Variants in WNT2B observed in about 807,000 individuals in gnomAD.
WNT2B encodes the protein Wnt family member 2B.
A neutral mutation model predicts 40.5 loss-of-function variants in WNT2B; 19 were observed. The observed-to-expected ratio is 0.47, with a 90% CI of 0.33 to 0.69. The LOEUF (loss-of-function observed/expected upper bound fraction) is 0.69, where lower values mean the gene tolerates loss of function less well. Ranked by LOEUF, WNT2B falls within the 30% of genes least tolerant of loss-of-function variation. WNT2B has a pLI of 0.02. For synonymous variants in WNT2B, 220 were observed against 211.9 expected, an observed-to-expected ratio of 1.04 and a Z score of -0.33; for missense variants, 467 against 556.4, an observed-to-expected ratio of 0.84 and a Z score of 1.62.
Position 112,525,895 on chromosome 1 carries a change from G to T in WNT2B, c.*5386G>T. The stretch of plus-strand genomic sequence containing the variant: ...TAAGAAGCTTTTTCATATGCAAAAT[G>T]CTTTAGCATATATGTAATCCTCACA... On this transcript the variant is annotated 3_prime_UTR_variant, in exon 5 of 5. Coordinates refer to ENST00000369684, the MANE Select transcript of WNT2B (RefSeq NM_024494.3). 1 of 1,371,390 alleles carries T rather than the reference G, an allele frequency of 7.3e-7. No homozygotes were observed. Among genetic ancestry groups the T allele is most frequent in the African/African-American group, 1.4e-5 (1 of 69,324 alleles). 85.0% of individuals were successfully genotyped at this position (1,371,390 alleles called of 1,614,324 possible). A position where few individuals can be genotyped will look rare whatever the true frequency, so the allele number is the denominator to read the frequency against.
chr1:112,478,741 C>T (rs1215889474), intron 1 of WNT2B, among the ~76,000 whole-genome samples: 1 of 151,508 alleles, frequency 6.6e-6, no homozygotes, highest in East Asian at 1.9e-4. Context: ...GGCAACATGG[C>T]AAAACCTCAT....
chr1:112,477,945 G>T (rs751229652), intron 1 of WNT2B, among the ~76,000 whole-genome samples: 6 of 152,216 alleles, frequency 3.9e-5, no homozygotes, highest in Non-Finnish European at 8.8e-5. Flanking sequence ...TCCAAAACCA[G>T]AAGAGTGGCT....
intron 1 of WNT2B, among the ~76,000 whole-genome samples, chr1:112,494,202 C>T (rs1018854935): frequency 2.7e-5 from 4 of 150,342 alleles, no homozygotes; most frequent in Non-Finnish European, 5.9e-5. Flanking sequence ...CCCAGCTACT[C>T]GGGAGGCTGA....
chr1:112,483,166 C>T (rs1327901565), intron 1 of WNT2B, among the ~76,000 whole-genome samples: 3 of 148,416 alleles, frequency 2.0e-5, no homozygotes, highest in South Asian at 2.2e-4. Flanking sequence ...TGCACTCTAG[C>T]CTGGGCAACA....
chr1:112,508,729 G>A, upstream of WNT2B: 1 of 986,020 alleles, frequency 1.0e-6, no homozygotes, highest in Non-Finnish European at 1.2e-6. The surrounding 1 kb of genome is among the most constrained non-coding windows in gnomAD (Gnocchi z 4.2). Context: ...GCAGGGACTG[G>A]GCGCTTGGGG....
intron 1 of WNT2B, among the ~76,000 whole-genome samples, chr1:112,510,270 C>G (rs987287196): frequency 6.6e-6 from 1 of 152,136 alleles, no homozygotes; most frequent in Admixed American, 6.5e-5. Context: ...CTCCCTGCCC[C>G]CTACTCCTTG....
intron 1 of WNT2B, among the ~76,000 whole-genome samples, chr1:112,494,616 G>A (rs1176802638): frequency 6.6e-6 from 1 of 151,438 alleles, no homozygotes; most frequent in East Asian, 1.9e-4. Context: ...TTAAAGTATT[G>A]AGATATAAAA....
At chr1:112,500,353 T>C (rs1557915607) in intron 1 of WNT2B, among the ~76,000 whole-genome samples, 2 of 152,234 alleles carry the variant, frequency 1.3e-5, no homozygotes, top group East Asian at 1.9e-4. Flanking sequence ...CTTTTTGTTT[T>C]GGAAATTATA....
In WNT2B at chr1:112,509,049, G is replaced by C. The variant is rs1570788471; in HGVS notation, c.-214G>C. Reference sequence around the variant, plus strand: ...TCAGGCAGCGCGCCCCAGACCCCGGGTTCGGCACGCCGTCGTCGGCTTCCG... The same window carrying C: ...TCAGGCAGCGCGCCCCAGACCCCGGCTTCGGCACGCCGTCGTCGGCTTCCG... On this transcript the variant is annotated 5_prime_UTR_variant, in exon 1 of 5. Transcript: ENST00000369684. This position sits in a 1 kb window ranked among gnomAD's most constrained non-coding sequence, Gnocchi z 4.2. The C allele has an allele frequency of 8.1e-6, 11 of 1,356,036 alleles. No homozygotes were observed. In the East Asian group the frequency reaches 3.1e-4, roughly 38 times the overall value. 84.0% of individuals were successfully genotyped at this position (1,356,036 alleles called of 1,614,324 possible).
intron 1 of WNT2B, among the ~76,000 whole-genome samples, chr1:112,468,721 T>C (rs1650782502): frequency 6.6e-6 from 1 of 152,118 alleles, no homozygotes; most frequent in East Asian, 1.9e-4. Context: ...GTTGCATGAG[T>C]AGTTAGCAAA....
chr1:112,504,168 G>T (rs1040289697), upstream of WNT2B, among the ~76,000 whole-genome samples: 3 of 152,118 alleles, frequency 2.0e-5, no homozygotes, highest in Non-Finnish European at 4.4e-5. Context: ...TGGGCCACCC[G>T]CCCGGAATGG....
At chr1:112,483,535 A>G (rs756061055) in intron 1 of WNT2B, among the ~76,000 whole-genome samples, 10 of 151,442 alleles carry the variant, frequency 6.6e-5, no homozygotes, top group South Asian at 2.1e-4. Context: ...AGAAGAAAAC[A>G]TAGGGGAACA....
chr1:112,520,530 T>C lies in WNT2B; in HGVS notation c.*21T>C, dbSNP rs1570804447. The C allele has an allele frequency of 6.2e-7, 1 of 1,608,090 alleles. No homozygotes were observed. Among genetic ancestry groups the C allele is most frequent in the Non-Finnish European group, 8.5e-7 (1 of 1,176,902 alleles). ...CCTGAACACACAGATACCTCACTCA[T>C]CCCTCCAATTCAAGCCTCTCAACTC... On this transcript the variant is annotated 3_prime_UTR_variant, in exon 5 of 5. Coordinates refer to ENST00000369684, the MANE Select transcript of WNT2B (RefSeq NM_024494.3).
chr1:112,477,105 G>A (rs1448476055), intron 1 of WNT2B, among the ~76,000 whole-genome samples: 2 of 152,220 alleles, frequency 1.3e-5, no homozygotes, highest in African/African-American at 4.8e-5. Flanking sequence ...AATGCCAGCA[G>A]CCTTTGCTGT....
At chr1:112,469,901 G>T (rs114198118) in intron 1 of WNT2B, among the ~76,000 whole-genome samples, 1 of 152,000 alleles carries the variant, frequency 6.6e-6, no homozygotes, top group Non-Finnish European at 1.5e-5. Flanking sequence ...GGTGTGAGTC[G>T]CCGTACCCGG....
In WNT2B at chr1:112,521,324, TTTTTTTTC is replaced by T. The variant is rs1652867814; in HGVS notation, c.*820_*827del. 6.6e-6 allele frequency: 1 copy of T among 150,584 alleles called. No individual in the cohort carries two copies. Among genetic ancestry groups the T allele is most frequent in the Non-Finnish European group, 1.5e-5 (1 of 67,768 alleles). The allele number at this position is 150,584 out of a possible 1,614,324, so 9.3% of individuals were successfully genotyped here. On this transcript the variant is annotated 3_prime_UTR_variant, in exon 5 of 5. Transcript: ENST00000369684. Reference sequence around the variant, plus strand: ...GCCTTGTGTTGCCTTTTTTTTTTTTTTTTTTTTCTTTTCTTTTCTTCTCTTCCCATGCA... The same window carrying T: ...GCCTTGTGTTGCCTTTTTTTTTTTTTTTTTCTTTTCTTCTCTTCCCATGCA...
intron 1 of WNT2B, among the ~76,000 whole-genome samples, chr1:112,473,438 G>C (rs1219278144): frequency 1.3e-5 from 2 of 151,964 alleles, no homozygotes; most frequent in Non-Finnish European, 2.9e-5. Context: ...GAAAATCCCA[G>C]TATCTGAGAT....
chr1:112,510,248 CT>C (rs1652302197), intron 1 of WNT2B, among the ~76,000 whole-genome samples: 1 of 152,098 alleles, frequency 6.6e-6, no homozygotes, highest in African/African-American at 2.4e-5. Flanking sequence ...CGTGTCTGTT[CT>C]TTTTAGAATC....
Position 112,517,282 on chromosome 1 carries a change from T to TGGCGG in WNT2B, c.844_845insGCGGG (p.Ala282GlyfsTer39). ...TGCAGGTGATGGCCACCCAAGATGG[T>TGGCGG]GCCAACTTCACCGCAGCCCGCCAAG... is the stretch of plus-strand genomic sequence containing the variant. On this transcript the variant is annotated frameshift_variant, in exon 4 of 5. Coordinates refer to ENST00000369684, the MANE Select transcript of WNT2B (RefSeq NM_024494.3). LOFTEE classifies it high-confidence loss of function. 6.2e-7 allele frequency: 1 copy of TGGCGG among 1,614,206 alleles called. No individual in the cohort carries two copies. The highest frequency in any genetic ancestry group is 8.5e-7 in the Non-Finnish European group (1 of 1,180,032).
Sources: gnomAD v4.1 joint callset for allele counts (sites outside exome capture counted in the v4.1 genomes callset) on GRCh38, gnomAD v4.1.1 for gene constraint, Gnocchi (gnomAD v3.1) non-coding constraint, MANE v1.5 for transcripts, NCBI Gene and HGNC (gene_info 2026-07-23, HGNC 2026-07-21) for gene names.